TTBK2: variants seen among roughly 807,000 people sequenced by gnomAD.
The protein encoded by TTBK2 is tau tubulin kinase 2.
TTBK2 carries 28 observed loss-of-function variants against 110.8 expected under a neutral mutation model. The ratio of observed to expected loss-of-function variants is 0.25; its 90% CI spans 0.19 to 0.35. The LOEUF (loss-of-function observed/expected upper bound fraction) is 0.35, where lower values mean the gene tolerates loss of function less well. Among genes scored for constraint, TTBK2 ranks in the 10% least tolerant of loss-of-function variants. TTBK2 has a pLI of 1.00. For missense variants in TTBK2, 1,369 were observed against 1,500.3 expected (o/e 0.91, Z 1.45); for synonymous variants, 532 against 527.3 (o/e 1.01, Z -0.12).
rs1263185042 is a variant in TTBK2, at chr15:42,800,090, C to A, written c.823-5289G>T. 2.6e-5 allele frequency among the ~76,000 whole-genome samples: 4 copies of A among 151,724 alleles called. No homozygotes were observed. In the East Asian group the frequency reaches 5.8e-4, roughly 22 times the overall value. ...CTCCAGCCTGGGTGACAGAGTGAGA[C>A]CCTGTCTCAAAATAAATAAATAAAT... On this transcript the variant is annotated intron_variant, in intron 9 of 14. Transcript: ENST00000267890.
chr15:42,849,740 TC>T (rs1280866787), intron 3 of TTBK2, among the ~76,000 whole-genome samples: 2 of 151,458 alleles, frequency 1.3e-5, no homozygotes, highest in Admixed American at 1.3e-4. Context: ...CCACGTGGTT[TC>T]CCATTTGGGA....
At chr15:42,897,096 C>T (rs1895696586) in intron 1 of TTBK2, among the ~76,000 whole-genome samples, 2 of 152,062 alleles carry the variant, frequency 1.3e-5, no homozygotes, top group Admixed American at 6.6e-5. Context: ...CCAGGCTAGT[C>T]TTGAACTCTT....
chr15:42,872,860 G>GTTTTTTGATAAAATATTTA (rs1894669142), intron 2 of TTBK2, 102 bp from the exon 3 acceptor site: 7 of 1,368,248 alleles, frequency 5.1e-6, no homozygotes, highest in Non-Finnish European at 6.9e-6. Flanking sequence ...TTTATAATCT[G>GTTTTTTGATAAAATATTTA]TTTTTTGATA....
intron 5 of TTBK2, among the ~76,000 whole-genome samples, chr15:42,828,300 C>CT (rs1892613103): frequency 1.3e-5 from 2 of 151,146 alleles, no homozygotes; most frequent in Admixed American, 1.3e-4. Flanking sequence ...ACTTGGAACT[C>CT]TAAGTTCTTG....
At chr15:42,826,714 G>A (rs1431456086) in intron 6 of TTBK2, among the ~76,000 whole-genome samples, 1 of 152,130 alleles carries the variant, frequency 6.6e-6, no homozygotes, top group Non-Finnish European at 1.5e-5. Context: ...CAGCCCCGGA[G>A]TCATTCTGAA....
At chr15:42,833,109 A>C (rs1227976024) in intron 4 of TTBK2, among the ~76,000 whole-genome samples, 1 of 151,788 alleles carries the variant, frequency 6.6e-6, no homozygotes, top group Non-Finnish European at 1.5e-5. Context: ...TGAGCTTAAT[A>C]CCTGGGTGAT....
At chr15:42,804,363 C>G (rs1365735438) in intron 9 of TTBK2, among the ~76,000 whole-genome samples, 1 of 151,902 alleles carries the variant, frequency 6.6e-6, no homozygotes, top group Non-Finnish European at 1.5e-5. Context: ...ATTGCTTGAA[C>G]CCAGGAGGTA....
intron 3 of TTBK2, chr15:42,871,675 A>G: frequency 1.4e-6 from 1 of 711,680 alleles, no homozygotes; most frequent in South Asian, 6.4e-5. Context: ...GGTCAGAAAA[A>G]GAAAGAGCCA....
intron 1 of TTBK2, among the ~76,000 whole-genome samples, chr15:42,885,791 T>G (rs1895219460): frequency 6.6e-6 from 1 of 152,032 alleles, no homozygotes; most frequent in African/African-American, 2.4e-5. Context: ...CCTTCCACCC[T>G]CCATTCCTCC....
intron 2 of TTBK2, among the ~76,000 whole-genome samples, chr15:42,873,499 T>A (rs1894694971): frequency 6.6e-6 from 1 of 151,958 alleles, no homozygotes; most frequent in Non-Finnish European, 1.5e-5. Flanking sequence ...TACCATTCTC[T>A]CTGAGGTACC....
At chr15:42,816,098 A>G (rs1892009460) in intron 7 of TTBK2, among the ~76,000 whole-genome samples, 1 of 117,066 alleles carries the variant, frequency 8.5e-6, no homozygotes, top group South Asian at 2.5e-4. Flanking sequence ...ATATATATAT[A>G]TATATATATA....
intron 6 of TTBK2, among the ~76,000 whole-genome samples, chr15:42,822,966 G>A (rs1336319901): frequency 1.3e-5 from 2 of 152,144 alleles, no homozygotes; most frequent in African/African-American, 4.8e-5. Context: ...AATGAGCCCT[G>A]GCCTATTGCT....
intron 3 of TTBK2, among the ~76,000 whole-genome samples, chr15:42,855,362 A>G (rs1893887967): frequency 6.6e-6 from 1 of 152,150 alleles, no homozygotes; most frequent in African/African-American, 2.4e-5. Flanking sequence ...TTGTTTCCCA[A>G]TACAAGGAAA....
At chr15:42,815,958 A>AAAAATATATATATATATAT (rs71108183) in intron 7 of TTBK2, among the ~76,000 whole-genome samples, 37 of 91,694 alleles carry the variant, frequency 4.0e-4, no homozygotes, top group African/African-American at 1.1e-3. Context: ...TTAAAAAAAA[A>AAAAATATATATATATATAT]ATATATATAT....
intron 3 of TTBK2, among the ~76,000 whole-genome samples, chr15:42,864,087 A>C (rs1055361903): frequency 3.9e-5 from 6 of 152,194 alleles, no homozygotes; most frequent in Non-Finnish European, 5.9e-5. Flanking sequence ...GGTGGGACCT[A>C]TTTGAACTAA....
intron 6 of TTBK2, among the ~76,000 whole-genome samples, chr15:42,826,286 T>C (rs537709691): frequency 1.3e-5 from 2 of 152,206 alleles, no homozygotes; most frequent in African/African-American, 4.8e-5. Context: ...ATTAATTTCA[T>C]CAAACCAAAA....
intron 9 of TTBK2, among the ~76,000 whole-genome samples, chr15:42,799,501 T>G (rs191143372): frequency 0.011 from 1,727 of 152,200 alleles, 29 homozygotes; most frequent in African/African-American, 0.039. Context: ...TGGTGTGATC[T>G]CAGCTCACTG....
At chr15:42,790,733 G>A (rs532131545) in intron 10 of TTBK2, among the ~76,000 whole-genome samples, 7 of 151,296 alleles carry the variant, frequency 4.6e-5, no homozygotes, top group Non-Finnish European at 8.8e-5. Flanking sequence ...GGAGTCTCAC[G>A]TTGTTGCCCA....
chr15:42,768,896 C>A (rs1337066152), intron 13 of TTBK2, among the ~76,000 whole-genome samples: 1 of 152,204 alleles, frequency 6.6e-6, no homozygotes, highest in Non-Finnish European at 1.5e-5. Context: ...CAGCATGGTA[C>A]TGGTACCAAA....
Sources: gnomAD v4.1 joint callset for allele counts (sites outside exome capture counted in the v4.1 genomes callset) on GRCh38, gnomAD v4.1.1 for gene constraint, MANE v1.5 for transcripts, NCBI Gene and HGNC (gene_info 2026-07-23, HGNC 2026-07-21) for gene names.